The following MMP26 variants were observed in gnomAD, a reference collection of about 807,000 sequenced individuals.
MMP26 encodes matrix metalloproteinase-26.
Under a neutral mutation model 31.0 loss-of-function variants are expected in MMP26, and 33 were observed. The ratio of observed to expected loss-of-function variants is 1.06; its 90% CI spans 0.81 to 1.42. The LOEUF (loss-of-function observed/expected upper bound fraction) is 1.42, where lower values mean the gene tolerates loss of function less well. MMP26 is among the 40% of genes most tolerant of loss of function. MMP26 has a pLI of 0.00. For synonymous variants in MMP26, 122 were observed against 114.9 expected, an observed-to-expected ratio of 1.06 and a Z score of -0.40; for missense variants, 347 against 316.1, an observed-to-expected ratio of 1.10 and a Z score of -0.74.
In MMP26 at chr11:4,988,018, C is replaced by A. The variant is rs1035103623; in HGVS notation, c.-144-50C>A. 2.1e-5 allele frequency: 13 copies of A among 622,380 alleles called. No individual in the cohort carries two copies. In the African/African-American group the frequency reaches 2.4e-4, roughly 11 times the overall value. The allele number at this position is 622,380 out of a possible 1,614,324, so 38.6% of individuals were successfully genotyped here. ...TGTGAACTGAGCTTAAAAATAAATT[C>A]CATGGCTGCTTTTGTCACCCTTGCA... On this transcript the variant is annotated intron_variant, in intron 2 of 7. Transcript: ENST00000380390.
chr11:4,966,168 G>T (rs1462098979), intron 2 of MMP26, among the ~76,000 whole-genome samples: 3 of 152,136 alleles, frequency 2.0e-5, no homozygotes, highest in Non-Finnish European at 4.4e-5. Flanking sequence ...AGCTATGGGG[G>T]TGACTACTAC....
intron 2 of MMP26, among the ~76,000 whole-genome samples, chr11:4,835,857 TG>T (rs769065825): frequency 1.3e-3 from 195 of 152,358 alleles, no homozygotes; most frequent in African/African-American, 4.4e-3. Flanking sequence ...ATATAGTTAC[TG>T]TTTTTTTATT....
intron 2 of MMP26, among the ~76,000 whole-genome samples, chr11:4,904,305 A>G (rs1850849518): frequency 6.6e-6 from 1 of 152,090 alleles, no homozygotes; most frequent in Admixed American, 6.5e-5. Flanking sequence ...TGAGATTTAA[A>G]CCAAGGTGTT....
chr11:4,937,647 G>C (rs1564810677), intron 2 of MMP26: 1 of 152,788 alleles, frequency 6.5e-6, no homozygotes, highest in African/African-American at 2.4e-5. Context: ...TTTAGGAGAA[G>C]GTAATAAACA....
intron 1 of MMP26, chr11:4,752,401 T>G (rs1291496102): frequency 1.3e-5 from 2 of 152,476 alleles, no homozygotes; most frequent in Non-Finnish European, 2.9e-5. Context: ...CTGTTGATCT[T>G]TGTGTCTGAA....
chr11:4,843,091 T>C (rs1849818502), intron 2 of MMP26, among the ~76,000 whole-genome samples: 1 of 152,364 alleles, frequency 6.6e-6, no homozygotes, highest in African/African-American at 2.4e-5. Flanking sequence ...CCTGTGCCCC[T>C]GTGGCTATTC....
chr11:4,848,621 G>A, intron 2 of MMP26: 2 of 1,609,754 alleles, frequency 1.2e-6, no homozygotes, highest in South Asian at 2.2e-5. Context: ...CTTCTGGGCA[G>A]GCCAAACGAG....
chr11:4,992,272 C>T lies in MMP26; in HGVS notation c.*30C>T, dbSNP rs369462088. ...AGCACAGAGGACTTATTCAACCTGT[C>T]CTTTCAGGGAGTTTATTGGAGGATC... is the stretch of plus-strand genomic sequence containing the variant. On this transcript the variant is annotated 3_prime_UTR_variant, in exon 8 of 8. Coordinates refer to ENST00000380390, the MANE Select transcript of MMP26 (RefSeq NM_021801.5). 5.6e-6 allele frequency: 9 copies of T among 1,599,474 alleles called. No homozygotes were observed. In the African/African-American group the frequency reaches 1.2e-4, roughly 22 times the overall value.
At chr11:4,959,105 G>A (rs1384636721) in intron 2 of MMP26, among the ~76,000 whole-genome samples, 1 of 151,976 alleles carries the variant, frequency 6.6e-6, no homozygotes, top group Non-Finnish European at 1.5e-5. Flanking sequence ...GGGCGTGGTG[G>A]CGGGCGCCTG....
At chr11:4,853,472 C>A (rs966785399) in intron 2 of MMP26, among the ~76,000 whole-genome samples, 1 of 151,826 alleles carries the variant, frequency 6.6e-6, no homozygotes, top group Non-Finnish European at 1.5e-5. Flanking sequence ...CCTTAGCAAG[C>A]CTTAAAGAGA....
chr11:4,854,961 C>T (rs373714627), intron 2 of MMP26, among the ~76,000 whole-genome samples: 112 of 152,278 alleles, frequency 7.4e-4, no homozygotes, highest in African/African-American at 2.0e-3. Context: ...GGGTCTGGAG[C>T]GGACCTCCAG....
intron 1 of MMP26, among the ~76,000 whole-genome samples, chr11:4,764,123 G>A (rs1278476476): frequency 6.6e-6 from 1 of 152,050 alleles, no homozygotes; most frequent in Non-Finnish European, 1.5e-5. Flanking sequence ...AGATGTGGCA[G>A]GTTAATAAAT....
At chr11:4,868,086 T>C (rs1463465432) in intron 2 of MMP26, among the ~76,000 whole-genome samples, 1 of 152,146 alleles carries the variant, frequency 6.6e-6, no homozygotes, top group East Asian at 1.9e-4. Flanking sequence ...AATCATGTCC[T>C]TTCCAAGGAC....
intron 2 of MMP26, among the ~76,000 whole-genome samples, chr11:4,790,111 G>A (rs564528153): frequency 3.9e-4 from 59 of 152,126 alleles, no homozygotes; most frequent in African/African-American, 1.4e-3. Flanking sequence ...GGAGGCCAAC[G>A]CAGGCCGATC....
At chr11:4,747,258 T>G (rs2133297708) in intron 1 of MMP26, among the ~76,000 whole-genome samples, 1 of 152,270 alleles carries the variant, frequency 6.6e-6, no homozygotes, top group Non-Finnish European at 1.5e-5. Context: ...GCTGGGAAAG[T>G]GTTGAACAGA....
intron 2 of MMP26, among the ~76,000 whole-genome samples, chr11:4,982,143 T>G (rs1224304826): frequency 6.6e-6 from 1 of 152,006 alleles, no homozygotes; most frequent in African/African-American, 2.4e-5. Flanking sequence ...TACATATATA[T>G]TGAGTACACT....
intron 2 of MMP26, among the ~76,000 whole-genome samples, chr11:4,858,034 G>T (rs1422008759): frequency 1.3e-5 from 2 of 152,082 alleles, no homozygotes; most frequent in Admixed American, 6.5e-5. Flanking sequence ...AGCCCTTCAT[G>T]CTCAAAACTC....
At chr11:4,970,120 G>A (rs1564817014) in intron 2 of MMP26, among the ~76,000 whole-genome samples, 1 of 152,062 alleles carries the variant, frequency 6.6e-6, no homozygotes, top group Non-Finnish European at 1.5e-5. Context: ...TCTTAGCTAT[G>A]AGTTAGTAAA....
intron 2 of MMP26, among the ~76,000 whole-genome samples, chr11:4,962,368 A>G (rs139524719): frequency 6.6e-6 from 1 of 152,340 alleles, no homozygotes; most frequent in Admixed American, 6.5e-5. Flanking sequence ...TTATGAAATT[A>G]TAGATTTTTA....
Sources: allele counts gnomAD v4.1 joint callset (sites outside exome capture counted in the v4.1 genomes callset), GRCh38; gene constraint gnomAD v4.1.1; transcripts MANE v1.5; gene names NCBI Gene and HGNC (gene_info 2026-07-23, HGNC 2026-07-21).